Variants in JAK1 observed in about 807,000 individuals in gnomAD.
JAK1 encodes tyrosine-protein kinase JAK1.
Under a neutral mutation model 136.6 loss-of-function variants are expected in JAK1, and 16 were observed. The ratio of observed to expected loss-of-function variants is 0.12; its 90% CI spans 0.08 to 0.18. JAK1 has a LOEUF of 0.18. Ranked by LOEUF, JAK1 falls within the 10% of genes least tolerant of loss-of-function variation. JAK1 has a pLI of 1.00. For missense variants in JAK1, 859 were observed against 1,450.1 expected (o/e 0.59, Z 6.62); for synonymous variants, 492 against 519.5 (o/e 0.95, Z 0.72).
intron 1 of JAK1, among the ~76,000 whole-genome samples, chr1:64,919,352 T>C (rs940769509): frequency 6.6e-6 from 1 of 152,184 alleles, no homozygotes; most frequent in Non-Finnish European, 1.5e-5. Flanking sequence ...GAACTCATCG[T>C]TTTTTATGGT....
chr1:64,903,044 GAGAC>G (rs1156795999), intron 1 of JAK1, among the ~76,000 whole-genome samples: 7 of 152,044 alleles, frequency 4.6e-5, no homozygotes, highest in Non-Finnish European at 5.9e-5. Context: ...TAAGGACAAA[GAGAC>G]AGAGTTTTGC....
intron 2 of JAK1, chr1:64,972,656 G>T (rs1973420): frequency 0.13 from 19,522 of 152,206 alleles, 1,698 homozygotes; most frequent in East Asian, 0.27. Context: ...AGGTGTGGTG[G>T]CTTGTGCCTG....
chr1:64,932,192 A>C (rs1645707598), intron 1 of JAK1, among the ~76,000 whole-genome samples: 1 of 151,172 alleles, frequency 6.6e-6, no homozygotes, highest in South Asian at 2.1e-4. Flanking sequence ...AGGTGGGGGG[A>C]TCACGAGTTC....
chr1:64,839,801 G>A lies in JAK1; in HGVS notation c.2650-6C>T, dbSNP rs2100964392. ...TCAACCTTCCCAAAGTGGCCCTGGA[G>A]GGAAAGATGCATGTGCTGTTATCAG... is the stretch of plus-strand genomic sequence containing the variant. On this transcript the variant is annotated splice_region_variant and splice_polypyrimidine_tract_variant and intron_variant, in intron 19 of 24. Transcript: ENST00000342505. The A allele has an allele frequency of 6.2e-7, 1 of 1,600,684 alleles. No homozygotes were observed. Among genetic ancestry groups the A allele is most frequent in the Non-Finnish European group, 8.5e-7 (1 of 1,173,000 alleles).
chr1:64,909,603 T>C (rs1319040535), intron 1 of JAK1, among the ~76,000 whole-genome samples: 1 of 151,572 alleles, frequency 6.6e-6, no homozygotes, highest in Non-Finnish European at 1.5e-5. Flanking sequence ...AGAGGATCTC[T>C]TGAGGCCAGG....
chr1:64,951,951 C>T (rs1193068076), intron 1 of JAK1, among the ~76,000 whole-genome samples: 1 of 152,162 alleles, frequency 6.6e-6, no homozygotes, highest in Non-Finnish European at 1.5e-5. Context: ...GCCACCGCGC[C>T]AGGCACAAGT....
At chr1:65,036,233 G>A (rs2100824694) in intron 2 of JAK1, among the ~76,000 whole-genome samples, 1 of 152,242 alleles carries the variant, frequency 6.6e-6, no homozygotes, top group East Asian at 1.9e-4. Context: ...AGGAGTTTGA[G>A]ACCAGCCTGG....
chr1:64,985,573 C>G (rs1051719961), intron 2 of JAK1: 7 of 1,116,704 alleles, frequency 6.3e-6, no homozygotes, highest in African/African-American at 1.6e-5. Context: ...AGGATGAATT[C>G]CAGATCAAAG....
At position 64,833,560 on chromosome 1, in the gene JAK1, C is replaced by T; in HGVS notation, c.*1002G>A. On this transcript the variant is annotated 3_prime_UTR_variant, in exon 25 of 25. Coordinates refer to ENST00000342505, the MANE Select transcript of JAK1 (RefSeq NM_002227.4). The stretch of plus-strand genomic sequence containing the variant: ...TAGTGGATCCTGAAGTCCATAGTGC[C>T]TCTAGCCGGGTCTTTCAAGTGTTGC... The T allele has an allele frequency of 4.3e-6, 1 of 233,012 alleles. No individual in the cohort carries two copies. The highest frequency in any genetic ancestry group is 6.0e-5 in the East Asian group (1 of 16,576). The allele number at this position is 233,012 out of a possible 1,614,324, so 14.4% of individuals were successfully genotyped here.
intron 2 of JAK1, among the ~76,000 whole-genome samples, chr1:64,997,972 T>C (rs1212046326): frequency 6.6e-6 from 1 of 152,166 alleles, no homozygotes; most frequent in Non-Finnish European, 1.5e-5. Flanking sequence ...AAGAAACAAA[T>C]GACTATACAA....
rs2100921900 is a variant in JAK1, at chr1:64,834,111, A to C, written c.*451T>G. ...TATAGATACTGAAATTTGAGGGCTA[A>C]GTCCATCAATCTTTCTTTATCTATG... On this transcript the variant is annotated 3_prime_UTR_variant, in exon 25 of 25. Coordinates refer to ENST00000342505, the MANE Select transcript of JAK1 (RefSeq NM_002227.4). The C allele has an allele frequency of 4.1e-6, 1 of 246,188 alleles. No individual in the cohort carries two copies. Among genetic ancestry groups the C allele is most frequent in the South Asian group, 1.4e-4 (1 of 7,172 alleles). 15.3% of individuals were successfully genotyped at this position (246,188 alleles called of 1,614,324 possible).
intron 9 of JAK1, 96 bp downstream of exon 9, chr1:64,860,009 G>C: frequency 9.2e-7 from 1 of 1,083,890 alleles, no homozygotes; most frequent in Admixed American, 2.8e-5. Context: ...AGGCAGCATG[G>C]TCAACTGGCC....
intron 2 of JAK1, among the ~76,000 whole-genome samples, chr1:65,000,395 T>C (rs1039252415): frequency 2.0e-5 from 3 of 151,604 alleles, no homozygotes; most frequent in Non-Finnish European, 4.4e-5. Context: ...CCCAGATACT[T>C]GGGAGGCTGA....
At chr1:64,937,426 A>G (rs11208549) in intron 1 of JAK1, among the ~76,000 whole-genome samples, 143,592 of 152,270 alleles carry the variant, frequency 0.94, 68,273 homozygotes, top group East Asian at 1. Context: ...CAAAATACTA[A>G]TTCCGAAAGA....
intron 11 of JAK1, among the ~76,000 whole-genome samples, chr1:64,853,877 C>T (rs574096766): frequency 4.6e-5 from 7 of 152,278 alleles, no homozygotes; most frequent in African/African-American, 1.2e-4. Context: ...TAAGAGTTCA[C>T]AGTCAGGTGG....
chr1:64,931,663 G>A (rs1448632928), intron 1 of JAK1, among the ~76,000 whole-genome samples: 1 of 152,022 alleles, frequency 6.6e-6, no homozygotes, highest in East Asian at 1.9e-4. Flanking sequence ...TTGTGTACAG[G>A]CTACTCCCTC....
intron 2 of JAK1, among the ~76,000 whole-genome samples, chr1:64,885,981 C>A (rs1280881931): frequency 1.3e-5 from 2 of 152,112 alleles, no homozygotes; most frequent in East Asian, 3.8e-4. Flanking sequence ...TATGCACATG[C>A]ATATTAAAAT....
intron 1 of JAK1, among the ~76,000 whole-genome samples, chr1:64,889,289 A>G (rs1644899040): frequency 6.6e-6 from 1 of 152,226 alleles, no homozygotes; most frequent in Non-Finnish European, 1.5e-5. Context: ...TTTAAAAAGA[A>G]CATGATTCAC....
chr1:64,998,186 G>A lies in JAK1; in HGVS notation c.-78+46294C>T, dbSNP rs545798962. Among the ~76,000 whole-genome samples the A allele has an allele frequency of 4.6e-5, 7 of 152,258 alleles. No homozygotes were observed. In the South Asian group the frequency reaches 1.0e-3, roughly 23 times the overall value. On this transcript the variant is annotated intron_variant, in intron 2 of 25. Transcript: ENST00000671954. ...TATGAAAGAGAGATTACAAGACTTG[G>A]ATTATATATTAGAATGTCTAATACA... is the stretch of plus-strand genomic sequence containing the variant.
Sources: gnomAD v4.1 joint callset for allele counts (sites outside exome capture counted in the v4.1 genomes callset) on GRCh38, gnomAD v4.1.1 for gene constraint, MANE v1.5 for transcripts, NCBI Gene and HGNC (gene_info 2026-07-23, HGNC 2026-07-21) for gene names.